Variants in RUFY2 observed in about 807,000 individuals in gnomAD.
The protein encoded by RUFY2 is RUN and FYVE domain containing 2.
A neutral mutation model predicts 94.4 loss-of-function variants in RUFY2; 49 were observed. That is an observed-to-expected ratio of 0.52 (90% confidence interval 0.41 to 0.66). The LOEUF is 0.66. RUFY2 is among the 30% of genes least tolerant of loss of function. The pLI is 0.00. For missense variants in RUFY2, 541 were observed against 692.8 expected, an observed-to-expected ratio of 0.78 and a Z score of 2.46; for synonymous variants, 255 against 235.7, an observed-to-expected ratio of 1.08 and a Z score of -0.75.
At position 68,345,716 on chromosome 10, in the gene RUFY2, T is replaced by C. The variant is rs1237492948; in HGVS notation, c.*52A>G. On this transcript the variant is annotated 3_prime_UTR_variant, in exon 18 of 18. Transcript: ENST00000602465. ...TGTCTGGTTACCTTTGTATACAACA[T>C]CATAACATTCATTGTAGGTAATTTC... The C allele has an allele frequency of 7.1e-6, 11 of 1,546,166 alleles. No homozygotes were observed. Among genetic ancestry groups the C allele is most frequent in the Non-Finnish European group, 9.7e-6 (11 of 1,128,280 alleles).
At chr10:68,383,661 T>C (rs1320444675) in intron 10 of RUFY2, 137 bp downstream of exon 10, 3 of 681,600 alleles carry the variant, frequency 4.4e-6, no homozygotes, top group Non-Finnish European at 7.8e-6. Context: ...GCTTAGAAAA[T>C]TTGAGAAGAT....
At chr10:68,396,167 T>G (rs2050379427) in intron 4 of RUFY2, among the ~76,000 whole-genome samples, 1 of 151,906 alleles carries the variant, frequency 6.6e-6, no homozygotes, top group Non-Finnish European at 1.5e-5. Flanking sequence ...CCCAGCTAAT[T>G]TTTGTGTTTT....
chr10:68,341,396 C>T, downstream of RUFY2: 5 of 1,396,670 alleles, frequency 3.6e-6, no homozygotes, highest in Non-Finnish European at 5.0e-6. Flanking sequence ...TAACGCTTGG[C>T]AGTTGTTGGG....
At position 68,401,817 on chromosome 10, in the gene RUFY2, AT is replaced by A; in HGVS notation, c.179-81del. On this transcript the variant is annotated intron_variant, in intron 2 of 17. Transcript: ENST00000602465. ...TTATTTTTAAATATTTAGTTTCAAC[AT>A]TTCTAACTTAACATACAATTATTCA... The A allele has an allele frequency of 3.7e-6, 3 of 820,338 alleles. No individual in the cohort carries two copies. In the East Asian group the frequency reaches 7.9e-5, roughly 22 times the overall value. The allele number at this position is 820,338 out of a possible 1,614,324, so 50.8% of individuals were successfully genotyped here.
rs1357411535 is a variant in RUFY2 at position 68,407,196 on chromosome 10, G to A, written c.-7C>T. The A allele has an allele frequency of 3.5e-6, 5 of 1,420,794 alleles. No homozygotes were observed. The highest frequency in any genetic ancestry group is 4.5e-6 in the Non-Finnish European group (5 of 1,100,654). 88.0% of individuals were successfully genotyped at this position (1,420,794 alleles called of 1,614,324 possible). A position where few individuals can be genotyped will look rare whatever the true frequency, so the allele number is the denominator to read the frequency against. ...GCCCGCTCGCCTTACCCATGGCGGCGGCGGCTGCGCGGTCTCGGGCGGAGG... is the reference window on the plus strand; with the variant it reads ...GCCCGCTCGCCTTACCCATGGCGGCAGCGGCTGCGCGGTCTCGGGCGGAGG... On this transcript the variant is annotated 5_prime_UTR_variant, in exon 1 of 18. Transcript: ENST00000602465.
In RUFY2 at chr10:68,345,734, G is replaced by A; in HGVS notation, c.*34C>T. 1 of 1,587,906 alleles carries A rather than the reference G, an allele frequency of 6.3e-7. No homozygotes were observed. The highest frequency in any genetic ancestry group is 8.6e-7 in the Non-Finnish European group (1 of 1,162,054). On this transcript the variant is annotated 3_prime_UTR_variant, in exon 18 of 18. Transcript: ENST00000602465. Reference sequence around the variant, plus strand: ...TACAACATCATAACATTCATTGTAGGTAATTTCATACATAAGGATTTAGTT... The same window carrying A: ...TACAACATCATAACATTCATTGTAGATAATTTCATACATAAGGATTTAGTT...
chr10:68,403,230 G>A (rs1452302954), intron 2 of RUFY2, among the ~76,000 whole-genome samples: 2 of 150,966 alleles, frequency 1.3e-5, no homozygotes, highest in Admixed American at 6.6e-5. Flanking sequence ...AACAGAAAAG[G>A]GATAACAGAA....
intron 2 of RUFY2, among the ~76,000 whole-genome samples, chr10:68,402,889 A>AGACCCCG: frequency 7.9e-6 from 1 of 127,222 alleles, no homozygotes; most frequent in Middle Eastern, 5.0e-3. Context: ...TGTGTCTCCC[A>AGACCCCG]GACTGGAGTG....
chr10:68,377,294 A>G (rs753041765), intron 12 of RUFY2: 422 of 1,145,210 alleles, frequency 3.7e-4, no homozygotes, highest in Non-Finnish European at 4.4e-4. Context: ...ATTTCAAAGC[A>G]TAATAGGTAT....
chr10:68,357,870 C>T (rs1045703286), intron 15 of RUFY2, among the ~76,000 whole-genome samples: 3 of 152,064 alleles, frequency 2.0e-5, no homozygotes, highest in African/African-American at 4.8e-5. Flanking sequence ...TCAAATTTTT[C>T]GCCACAAAAG....
intron 12 of RUFY2, 29 bp from the exon 13 acceptor site, chr10:68,377,001 A>G (rs745637350): frequency 6.2e-7 from 1 of 1,612,894 alleles, no homozygotes; most frequent in Admixed American, 1.7e-5. Flanking sequence ...ACTTTGGGTA[A>G]AACTGAGGCT....
intron 7 of RUFY2, among the ~76,000 whole-genome samples, chr10:68,391,232 G>T (rs1003524420): frequency 2.0e-5 from 3 of 152,050 alleles, no homozygotes; most frequent in African/African-American, 7.2e-5. Context: ...CATCGTGCCT[G>T]TACCCTAATT....
At chr10:68,384,544 T>C (rs956739323) in intron 8 of RUFY2, among the ~76,000 whole-genome samples, 1 of 152,174 alleles carries the variant, frequency 6.6e-6, no homozygotes, top group African/African-American at 2.4e-5. Context: ...GATAAAAACA[T>C]GCATAAGGAA....
chr10:68,369,123 G>A (rs2132566091), intron 13 of RUFY2, among the ~76,000 whole-genome samples: 1 of 152,284 alleles, frequency 6.6e-6, no homozygotes. Flanking sequence ...TAAGGCATCT[G>A]TTATGGTTTG....
At position 68,381,299 on chromosome 10, in the gene RUFY2, A is replaced by G. The variant is rs772483880; in HGVS notation, c.1040T>C (p.Leu347Pro). The stretch of plus-strand genomic sequence containing the variant: ...CTCTAGTTGTTGTCGAAGGCCTATC[A>G]GAGTATCTTGTTTCTCATGGATATC... ...EKDIHEKQDT[L>P]IGLRQQLEEV... Residue 347 changes from leucine to proline, a missense_variant, in exon 11 of 18, where the codon CTG (leucine) becomes CCG (proline). Physicochemically the swap from Leu to Pro is moderately conservative, Grantham distance 98. This residue lies in a region of RUFY2 where 403 missense variants were observed against 480.7 expected (regional missense o/e 0.84). Coordinates refer to ENST00000602465, the MANE Select transcript of RUFY2 (RefSeq NM_001330103.2). 1.2e-6 allele frequency: 2 copies of G among 1,613,986 alleles called. No homozygotes were observed. Among genetic ancestry groups the G allele is most frequent in the Non-Finnish European group, 1.7e-6 (2 of 1,179,928 alleles).
intron 16 of RUFY2, among the ~76,000 whole-genome samples, chr10:68,348,379 T>C (rs775408392): frequency 4.6e-5 from 7 of 151,866 alleles, no homozygotes; most frequent in Admixed American, 6.6e-5. Flanking sequence ...TAGCCAAGCA[T>C]GGTGGCATGC....
chr10:68,371,585 C>T (rs184217387), intron 13 of RUFY2, among the ~76,000 whole-genome samples: 153 of 147,300 alleles, frequency 1.0e-3, no homozygotes, highest in Non-Finnish European at 1.6e-3. Context: ...AGCGAGACTC[C>T]GCCTCAAAAA....
intron 1 of RUFY2, among the ~76,000 whole-genome samples, chr10:68,405,099 G>A (rs2051168675): frequency 1.3e-5 from 2 of 152,050 alleles, no homozygotes; most frequent in African/African-American, 2.4e-5. Flanking sequence ...TGGATCATGA[G>A]GTCAAGAGAT....
intron 7 of RUFY2, among the ~76,000 whole-genome samples, chr10:68,390,714 A>G (rs1418744299): frequency 6.6e-6 from 1 of 152,070 alleles, no homozygotes; most frequent in Non-Finnish European, 1.5e-5. Context: ...CTCTCGCCTC[A>G]GCCTCAAAGT....
Sources: allele counts gnomAD v4.1 joint callset (sites outside exome capture counted in the v4.1 genomes callset), GRCh38; gene constraint gnomAD v4.1.1; regional missense constraint gnomAD v4.1.1; transcripts MANE v1.5; gene names NCBI Gene and HGNC (gene_info 2026-07-23, HGNC 2026-07-21).